The following FRMPD4 variants were observed in gnomAD, a reference collection of about 807,000 sequenced individuals.
FRMPD4 encodes FERM and PDZ domain containing 4.
FRMPD4 carries 22 observed loss-of-function variants against 94.1 expected under a neutral mutation model. That is an observed-to-expected ratio of 0.23 (90% CI 0.17 to 0.33). The LOEUF is 0.33. Ranked by LOEUF, FRMPD4 falls within the 10% of genes least tolerant of loss-of-function variation. The probability of loss-of-function intolerance (pLI) is 1.00; values close to 1 mark genes in which losing one functional copy is unlikely to be tolerated. For synonymous variants in FRMPD4, 631 were observed against 548.6 expected, an observed-to-expected ratio of 1.15 and a Z score of -2.10; for missense variants, 1,111 against 1,339.9, an observed-to-expected ratio of 0.83 and a Z score of 2.67.
chrX:12,671,483 G>C (rs1179227316), intron 4 of FRMPD4, among the ~76,000 whole-genome samples: 1 of 110,894 alleles, frequency 9.0e-6, no homozygotes, highest in Non-Finnish European at 1.9e-5. Flanking sequence ...ACTAACACAA[G>C]AGCAGAAAAC....
intron 1 of FRMPD4, among the ~76,000 whole-genome samples, chrX:12,362,162 A>G (rs763865922): frequency 5.8e-5 from 6 of 103,215 alleles, no homozygotes; most frequent in African/African-American, 2.1e-4. Flanking sequence ...ATCCTACCCA[A>G]TAGTAACTGA....
intron 3 of FRMPD4, among the ~76,000 whole-genome samples, chrX:11,899,310 G>A (rs1778955412): frequency 9.1e-6 from 1 of 109,414 alleles, no homozygotes; most frequent in Non-Finnish European, 1.9e-5. Context: ...TGGGTGAAAA[G>A]TTTATGGCAG....
At chrX:11,827,086 A>ATAT (rs57765123) in intron 1 of FRMPD4, among the ~76,000 whole-genome samples, 13 of 84,598 alleles carry the variant, frequency 1.5e-4, no homozygotes, top group African/African-American at 5.3e-4. Flanking sequence ...ATATATATAT[A>ATAT]AAATATATAT....
chrX:12,107,025 C>A (rs1302591998), intron 3 of FRMPD4, among the ~76,000 whole-genome samples: 1 of 111,697 alleles, frequency 9.0e-6, no homozygotes, highest in East Asian at 2.8e-4. Context: ...CTTAAATGTC[C>A]CTGTCTGACA....
intron 1 of FRMPD4, among the ~76,000 whole-genome samples, chrX:12,241,021 A>G (rs935045220): frequency 8.9e-6 from 1 of 112,434 alleles, no homozygotes; most frequent in African/African-American, 3.2e-5. Flanking sequence ...ATATGGCAAT[A>G]AGAGATTTTT....
intron 1 of FRMPD4, among the ~76,000 whole-genome samples, chrX:12,420,496 T>C (rs2056868572): frequency 8.9e-6 from 1 of 111,895 alleles, no homozygotes; most frequent in African/African-American, 3.2e-5. Context: ...GCATCTCTCA[T>C]CACCTGCCCT....
At chrX:12,035,444 T>C (rs893876594) in intron 3 of FRMPD4, among the ~76,000 whole-genome samples, 3 of 112,075 alleles carry the variant, frequency 2.7e-5, no homozygotes, top group South Asian at 7.5e-4. Flanking sequence ...TAGGGATCTT[T>C]CTATTATAAC....
chrX:12,694,251 A>C, intron 8 of FRMPD4, 84 bp from the exon 9 acceptor site: 2 of 756,889 alleles, frequency 2.6e-6, no homozygotes, highest in South Asian at 2.6e-5. Flanking sequence ...CTTAGTGTCC[A>C]AAAAAAGTCG....
At chrX:11,868,686 T>C (rs2053737511) in intron 2 of FRMPD4, among the ~76,000 whole-genome samples, 1 of 112,058 alleles carries the variant, frequency 8.9e-6, no homozygotes, top group Admixed American at 9.5e-5. Context: ...AAGGAATGAA[T>C]AAATAAATAA....
intron 1 of FRMPD4, among the ~76,000 whole-genome samples, chrX:12,406,083 T>G (rs1283100023): frequency 1.8e-5 from 2 of 111,058 alleles, no homozygotes; most frequent in Non-Finnish European, 1.9e-5. Flanking sequence ...TACAGACATT[T>G]TTAGCTGTCA....
chrX:11,991,337 T>C (rs887438888), intron 3 of FRMPD4, among the ~76,000 whole-genome samples: 44 of 111,550 alleles, frequency 3.9e-4, no homozygotes, highest in Non-Finnish European at 6.6e-4. Context: ...GTTTCAGGCA[T>C]AAACACTTCC....
intron 4 of FRMPD4, among the ~76,000 whole-genome samples, chrX:12,628,871 GA>G (rs1411379023): frequency 2.7e-5 from 3 of 112,595 alleles, no homozygotes; most frequent in Non-Finnish European, 3.8e-5. Flanking sequence ...AGTTTATAAA[GA>G]AAAAGAGGTT....
intron 2 of FRMPD4, among the ~76,000 whole-genome samples, chrX:12,505,727 GAAA>G (rs34064982): frequency 6.3e-4 from 29 of 46,296 alleles, no homozygotes; most frequent in African/African-American, 2.0e-3. Flanking sequence ...AACTCCATCC[GAAA>G]AAAAAAAAAA....
intron 2 of FRMPD4, among the ~76,000 whole-genome samples, chrX:12,571,205 A>G (rs2058757803): frequency 8.9e-6 from 1 of 112,553 alleles, no homozygotes; most frequent in Non-Finnish European, 1.9e-5. Flanking sequence ...GAAATACTTA[A>G]GTGAAAGCTA....
intron 1 of FRMPD4, among the ~76,000 whole-genome samples, chrX:12,286,480 ATGATTTCTG>A (rs2054601668): frequency 1.8e-5 from 2 of 112,144 alleles, no homozygotes; most frequent in Non-Finnish European, 1.9e-5. Flanking sequence ...TTTGAATTCT[ATGATTTCTG>A]TGATGCTATA....
At position 12,612,500 on chromosome X, in the gene FRMPD4, A is replaced by T. The variant is rs756654001; in HGVS notation, c.320-2279A>T. 5.3e-5 allele frequency among the ~76,000 whole-genome samples: 6 copies of T among 112,585 alleles called. No individual in the cohort carries two copies. In the South Asian group the frequency reaches 2.2e-3, roughly 42 times the overall value. On this transcript the variant is annotated intron_variant, in intron 3 of 16. Coordinates refer to ENST00000675598, the MANE Select transcript of FRMPD4 (RefSeq NM_001368397.1). ...CGTGACTAGATTTTCTGTAGTAGGC[A>T]ATCCAGACTTCAAAGTAAAGGCCAT...
intron 1 of FRMPD4, among the ~76,000 whole-genome samples, chrX:11,831,546 T>C (rs1458775382): frequency 8.9e-6 from 1 of 111,813 alleles, no homozygotes; most frequent in Non-Finnish European, 1.9e-5. Flanking sequence ...TCTGGGGCTC[T>C]TAGGAGAGAC....
intron 5 of FRMPD4, among the ~76,000 whole-genome samples, chrX:12,678,867 C>G (rs2059931826): frequency 8.9e-6 from 1 of 112,290 alleles, no homozygotes; most frequent in Admixed American, 9.4e-5. Context: ...CTCATGCAAC[C>G]CCAACTCAAT....
At chrX:12,536,754 T>G (rs1790683599) in intron 2 of FRMPD4, among the ~76,000 whole-genome samples, 1 of 111,286 alleles carries the variant, frequency 9.0e-6, no homozygotes, top group Non-Finnish European at 1.9e-5. Flanking sequence ...AACTAAAAAA[T>G]CATTGTGCCC....
Sources: allele counts gnomAD v4.1 joint callset (sites outside exome capture counted in the v4.1 genomes callset), GRCh38; gene constraint gnomAD v4.1.1; transcripts MANE v1.5; gene names NCBI Gene and HGNC (gene_info 2026-07-23, HGNC 2026-07-21).